The following PCDH9 variants were observed in gnomAD, a reference collection of about 807,000 sequenced individuals.
The protein encoded by PCDH9 is protocadherin-9.
Under a neutral mutation model 70.6 loss-of-function variants are expected in PCDH9, and 24 were observed. That is an observed-to-expected ratio of 0.34 (90% CI 0.25 to 0.48). The LOEUF is 0.48. Among genes scored for constraint, PCDH9 ranks in the 20% least tolerant of loss-of-function variants. The probability of loss-of-function intolerance (pLI) is 0.99; values close to 1 mark genes in which losing one functional copy is unlikely to be tolerated. For missense variants in PCDH9, 1,281 were observed against 1,503.6 expected, an observed-to-expected ratio of 0.85 and a Z score of 2.45; for synonymous variants, 562 against 558.5, an observed-to-expected ratio of 1.01 and a Z score of -0.09.
At chr13:67,138,033 G>T (rs2087278039) in intron 2 of PCDH9, among the ~76,000 whole-genome samples, 1 of 151,938 alleles carries the variant, frequency 6.6e-6, no homozygotes, top group South Asian at 2.1e-4. Flanking sequence ...TTTACCTAAA[G>T]TGGTATTTAT....
At chr13:66,981,902 T>TA (rs951927895) in intron 2 of PCDH9, among the ~76,000 whole-genome samples, 1 of 152,212 alleles carries the variant, frequency 6.6e-6, no homozygotes, top group African/African-American at 2.4e-5. Context: ...GTAACTTATT[T>TA]ACCAGTAACA....
chr13:66,683,730 A>C, intron 3 of PCDH9, among the ~76,000 whole-genome samples: 1 of 152,198 alleles, frequency 6.6e-6, no homozygotes, highest in East Asian at 1.9e-4. Flanking sequence ...AATTGTATGC[A>C]TACAGAGCCA....
At chr13:66,401,107 T>C (rs1957177502) in intron 4 of PCDH9, among the ~76,000 whole-genome samples, 1 of 152,246 alleles carries the variant, frequency 6.6e-6, no homozygotes, top group South Asian at 2.1e-4. Context: ...AGTATGATTA[T>C]GCTGGTTTAA....
At position 66,880,935 on chromosome 13, in the gene PCDH9, C is replaced by G. The variant is rs182333792; in HGVS notation, c.3138+22569G>C. On this transcript the variant is annotated intron_variant, in intron 3 of 4. Transcript: ENST00000377865. ...TCACAATTCAAATCCCAACTCCAAT[C>G]CTGTTGTATGACCTTGAGCAAATTA... Among the ~76,000 whole-genome samples, 269 of 152,274 alleles carry G rather than the reference C, an allele frequency of 1.8e-3. 3 individuals carry two copies. The highest frequency in any genetic ancestry group is 6.0e-3 in the African/African-American group (249 of 41,558).
At chr13:67,202,779 A>G (rs1365866517) in intron 2 of PCDH9, 1 of 152,068 alleles carries the variant, frequency 6.6e-6, no homozygotes, top group African/African-American at 2.4e-5. Context: ...TTCACATTCA[A>G]TTTATGAGAG....
intron 2 of PCDH9, among the ~76,000 whole-genome samples, chr13:66,943,461 T>C (rs2083038646): frequency 6.6e-6 from 1 of 152,132 alleles, no homozygotes; most frequent in Admixed American, 6.6e-5. Flanking sequence ...TCTACTCCAC[T>C]ATCCTCAATA....
At chr13:67,228,724 CTAAA>C (rs1272110847) in intron 1 of PCDH9, 149 bp from the exon 2 acceptor site, 2 of 321,594 alleles carry the variant, frequency 6.2e-6, no homozygotes, top group African/African-American at 4.3e-5. Flanking sequence ...GAGAAAAACA[CTAAA>C]TATCTCCTGC....
chr13:66,995,293 A>C (rs1382046623), intron 2 of PCDH9, among the ~76,000 whole-genome samples: 1 of 152,182 alleles, frequency 6.6e-6, no homozygotes, highest in Non-Finnish European at 1.5e-5. Context: ...AGACACGGTA[A>C]ATACAAAAGG....
At chr13:67,035,523 A>G (rs900048561) in intron 2 of PCDH9, among the ~76,000 whole-genome samples, 4 of 151,080 alleles carry the variant, frequency 2.6e-5, no homozygotes, top group Non-Finnish European at 4.4e-5. Context: ...TTAGACTTCT[A>G]TGAAAACAAA....
intron 3 of PCDH9, among the ~76,000 whole-genome samples, chr13:66,685,539 C>T (rs746759037): frequency 2.6e-5 from 4 of 152,218 alleles, no homozygotes; most frequent in African/African-American, 9.6e-5. Flanking sequence ...CACACAGAGT[C>T]CCCACTGGGG....
chr13:66,653,819 T>C (rs550560435), intron 3 of PCDH9, among the ~76,000 whole-genome samples: 1 of 151,508 alleles, frequency 6.6e-6, no homozygotes, highest in Admixed American at 6.6e-5. Flanking sequence ...TACAAAAAAA[T>C]TAGCTAGGCG....
At chr13:66,988,747 A>T (rs1472556665) in intron 2 of PCDH9, among the ~76,000 whole-genome samples, 4 of 151,996 alleles carry the variant, frequency 2.6e-5, no homozygotes, top group South Asian at 4.1e-4. Context: ...ATTTTTAATG[A>T]TGAAGAAATG....
Position 66,932,681 on chromosome 13 carries a change from T to TATATATATACAC in PCDH9, c.3037-29077_3037-29076insGTGTATATATAT, listed in dbSNP as rs1313632174. 8.1e-3 allele frequency among the ~76,000 whole-genome samples: 924 copies of TATATATATACAC among 114,778 alleles called. 11 individuals are homozygous for TATATATATACAC. Among genetic ancestry groups the TATATATATACAC allele is most frequent in the African/African-American group, 0.029 (837 of 29,204 alleles). The allele number at this position is 114,778 out of a possible 152,430, so 75.3% of individuals were successfully genotyped here. On this transcript the variant is annotated intron_variant, in intron 2 of 4. Coordinates refer to ENST00000377865, the MANE Select transcript of PCDH9 (RefSeq NM_203487.3). ...TCACATATATATATATATATATATATACACACACACACACGTATGTATATA... is the reference window on the plus strand; with the variant it reads ...TCACATATATATATATATATATATATATATATATACACACACACACACACACGTATGTATATA...
chr13:67,064,642 A>G (rs1293169217), intron 2 of PCDH9, among the ~76,000 whole-genome samples: 1 of 152,156 alleles, frequency 6.6e-6, no homozygotes, highest in East Asian at 1.9e-4. Flanking sequence ...TTTACTTACA[A>G]TAATCCTAGC....
intron 4 of PCDH9, among the ~76,000 whole-genome samples, chr13:66,597,046 C>A (rs2077112637): frequency 1.3e-5 from 2 of 151,550 alleles, no homozygotes; most frequent in Admixed American, 6.6e-5. Context: ...AATCAATAAA[C>A]CTTTTCTCAT....
At chr13:66,790,078 T>C (rs1423904177) in intron 3 of PCDH9, among the ~76,000 whole-genome samples, 9 of 152,118 alleles carry the variant, frequency 5.9e-5, no homozygotes, top group Non-Finnish European at 1.5e-5. Context: ...CCATGATTAA[T>C]AAGAATTTTA....
At chr13:66,859,993 A>G (rs780516963) in intron 3 of PCDH9, among the ~76,000 whole-genome samples, 19 of 152,200 alleles carry the variant, frequency 1.2e-4, no homozygotes, top group Non-Finnish European at 2.6e-4. Context: ...GTCGTTAGTC[A>G]GTCTGTTGCA....
At chr13:66,922,696 C>T (rs2082656231) in intron 2 of PCDH9, among the ~76,000 whole-genome samples, 1 of 151,344 alleles carries the variant, frequency 6.6e-6, no homozygotes, top group Admixed American at 6.6e-5. Context: ...GCTATCTGTT[C>T]CTATTGCTAC....
intron 4 of PCDH9, among the ~76,000 whole-genome samples, chr13:66,503,067 A>C (rs1959185274): frequency 6.6e-6 from 1 of 152,188 alleles, no homozygotes; most frequent in African/African-American, 2.4e-5. Flanking sequence ...GGAGGAAGGA[A>C]ACATAAATAT....
Sources: gnomAD v4.1 joint callset for allele counts (sites outside exome capture counted in the v4.1 genomes callset) on GRCh38, gnomAD v4.1.1 for gene constraint, MANE v1.5 for transcripts, NCBI Gene and HGNC (gene_info 2026-07-23, HGNC 2026-07-21) for gene names.